Variants in MTREX observed in about 807,000 individuals in gnomAD.
MTREX encodes exosome RNA helicase MTR4.
A neutral mutation model predicts 135.4 loss-of-function variants in MTREX; 76 were observed. The observed-to-expected ratio is 0.56, with a 90% CI of 0.47 to 0.68. The LOEUF (loss-of-function observed/expected upper bound fraction) is 0.68, where lower values mean the gene tolerates loss of function less well. Among genes scored for constraint, MTREX ranks in the 30% least tolerant of loss-of-function variants. MTREX has a pLI of 0.00. For synonymous variants in MTREX, 404 were observed against 401.6 expected (o/e 1.01, Z -0.07); for missense variants, 920 against 1,262.1 (o/e 0.73, Z 4.11).
chr5:55,342,394 A>G (rs775326938), intron 7 of MTREX, among the ~76,000 whole-genome samples: 2 of 152,260 alleles, frequency 1.3e-5, no homozygotes, highest in African/African-American at 2.4e-5. Flanking sequence ...TAAAACTTCT[A>G]GCTTGCAAAG....
intron 3 of MTREX, among the ~76,000 whole-genome samples, chr5:55,326,260 C>T (rs974320818): frequency 1.3e-5 from 2 of 152,022 alleles, no homozygotes; most frequent in African/African-American, 4.8e-5. Flanking sequence ...ATTAACCAGG[C>T]ATGGTGGCAT....
At chr5:55,333,902 C>T (rs952517554) in intron 5 of MTREX, among the ~76,000 whole-genome samples, 7 of 152,064 alleles carry the variant, frequency 4.6e-5, no homozygotes, top group African/African-American at 7.2e-5. Flanking sequence ...TTCACAGCAG[C>T]GCTATTCACA....
chr5:55,361,150 C>T (rs1313987866), intron 15 of MTREX, among the ~76,000 whole-genome samples: 3 of 152,174 alleles, frequency 2.0e-5, no homozygotes, highest in African/African-American at 7.2e-5. Flanking sequence ...AAAAAATAGT[C>T]ATGTCAGGTA....
chr5:55,404,119 G>A (rs547305137), intron 21 of MTREX, among the ~76,000 whole-genome samples: 1 of 152,310 alleles, frequency 6.6e-6, no homozygotes, highest in Admixed American at 6.5e-5. Context: ...ATAAATATCA[G>A]TTGCTGATCA....
At chr5:55,316,641 A>C (rs1749202847) in intron 1 of MTREX, among the ~76,000 whole-genome samples, 1 of 152,198 alleles carries the variant, frequency 6.6e-6, no homozygotes, top group South Asian at 2.1e-4. Context: ...ACCTCAATAT[A>C]ATAGAGCCAT....
At chr5:55,400,100 G>A (rs1424169584) in intron 20 of MTREX, 133 bp from the exon 21 acceptor site, 1 of 573,382 alleles carries the variant, frequency 1.7e-6, no homozygotes, top group African/African-American at 1.9e-5. Context: ...AATTTAAATT[G>A]GCAAAAGACA....
At chr5:55,407,373 A>G (rs1044626136) in intron 22 of MTREX, among the ~76,000 whole-genome samples, 2 of 152,202 alleles carry the variant, frequency 1.3e-5, no homozygotes, top group South Asian at 2.1e-4. Context: ...GTACTGGTCT[A>G]CTGATTTATA....
intron 19 of MTREX, among the ~76,000 whole-genome samples, chr5:55,393,891 T>TA (rs1750606515): frequency 6.6e-6 from 1 of 152,370 alleles, no homozygotes; most frequent in Non-Finnish European, 1.5e-5. Context: ...TTCTTGTTTA[T>TA]AAAATGTCAT....
intron 15 of MTREX, among the ~76,000 whole-genome samples, chr5:55,360,419 T>TA (rs1326694785): frequency 6.6e-6 from 1 of 151,976 alleles, no homozygotes; most frequent in Non-Finnish European, 1.5e-5. Flanking sequence ...TTTTTTTTTT[T>TA]ACAAGTCTTT....
rs1338652075 is a variant in MTREX, at chr5:55,325,344, T to TG, written c.339+1146_339+1147insG. Among the ~76,000 whole-genome samples, 22 of 150,454 alleles carry TG rather than the reference T, an allele frequency of 1.5e-4. No homozygotes were observed. In the East Asian group the frequency reaches 3.1e-3, roughly 21 times the overall value. On this transcript the variant is annotated intron_variant, in intron 3 of 26. Coordinates refer to ENST00000230640, the MANE Select transcript of MTREX (RefSeq NM_015360.5). ...TTTTGGGGGGGTTTTTTTTTGTTTT[T>TG]TTTTTTTTTAAGAGTCTCACTATGT...
At chr5:55,373,055 T>A (rs7701565) in intron 16 of MTREX, among the ~76,000 whole-genome samples, 19,503 of 151,560 alleles carry the variant, frequency 0.13, 1,491 homozygotes, top group East Asian at 0.26. Flanking sequence ...AGATTTTTTT[T>A]AACCTAGTTT....
At chr5:55,421,273 C>T (rs1354291674) in intron 25 of MTREX, among the ~76,000 whole-genome samples, 1 of 152,192 alleles carries the variant, frequency 6.6e-6, no homozygotes, top group African/African-American at 2.4e-5. Flanking sequence ...ACTACTTAAT[C>T]GTCAGTCTTC....
rs74814341 is a variant in MTREX at position 55,311,696 on chromosome 5, T to G, written c.134+3549T>G. Among the ~76,000 whole-genome samples, 930 of 152,320 alleles carry G rather than the reference T, an allele frequency of 6.1e-3. 8 individuals carry two copies. Among genetic ancestry groups the G allele is most frequent in the African/African-American group, 0.022 (897 of 41,572 alleles). On this transcript the variant is annotated intron_variant, in intron 1 of 26. Coordinates refer to ENST00000230640, the MANE Select transcript of MTREX (RefSeq NM_015360.5). ...AAAATATGACTTGTCAGAATTGAGA[T>G]GTTCGGTGAGTGTAAAATTCACACC...
intron 24 of MTREX, 43 bp downstream of exon 24, chr5:55,414,281 ATAG>A: frequency 7.2e-7 from 1 of 1,386,366 alleles, no homozygotes; most frequent in South Asian, 1.4e-5. Context: ...TATTTTATGA[ATAG>A]TAGATTGTAA....
At position 55,328,751 on chromosome 5, in the gene MTREX, A is replaced by T. The variant is rs763547460; in HGVS notation, c.455A>T (p.Asp152Val). ...CAAAGAGAGGCCATTCAGTGTGTTG[A>T]CAATAATCAGTCTGTTCTAGTATCT... ...AFQREAIQCV[D>V]NNQSVLVSAH... Residue 152 changes from aspartate to valine, a missense_variant, in exon 5 of 27, where the codon GAC becomes GTC. Asp to Val is a radical substitution (Grantham distance 152). Coordinates refer to ENST00000230640, the MANE Select transcript of MTREX (RefSeq NM_015360.5). The T allele has an allele frequency of 6.2e-7, 1 of 1,613,580 alleles. No individual in the cohort carries two copies. The highest frequency in any genetic ancestry group is 8.5e-7 in the Non-Finnish European group (1 of 1,179,728).
chr5:55,423,289 T>C (rs1579908424), intron 26 of MTREX: 1 of 285,318 alleles, frequency 3.5e-6, no homozygotes, highest in South Asian at 9.8e-5. Context: ...TGTGGGGAGA[T>C]AGACAATAAG....
chr5:55,324,136 G>A lies in MTREX; in HGVS notation c.277G>A (p.Ala93Thr), dbSNP rs762676968. 7.5e-6 allele frequency: 12 copies of A among 1,609,520 alleles called. No individual in the cohort carries two copies. The Admixed American group carries it at 8.4e-5, about 11-fold the overall frequency. ...CTTTAAACAATTCTTTTTAAGTTTG[G>A]CAGACCTGATGCCCAGAGTCAAGGT... The part of the protein sequence containing the change: ...EESITEDLSL[A>T]DLMPRVKVQS... The change falls in exon 3 of 27, where the codon GCA (alanine) becomes ACA (threonine). Residue 93 changes from alanine to threonine, a missense_variant. Ala to Thr is a moderately conservative substitution (Grantham distance 58, BLOSUM62 0). Coordinates refer to ENST00000230640, the MANE Select transcript of MTREX (RefSeq NM_015360.5).
At chr5:55,369,896 C>G (rs1039392327) in intron 16 of MTREX, among the ~76,000 whole-genome samples, 10 of 150,266 alleles carry the variant, frequency 6.7e-5, no homozygotes, top group Admixed American at 1.3e-4. Flanking sequence ...CTAATTCATC[C>G]CTTTTTCTTT....
At chr5:55,342,321 A>G (rs1171541267) in intron 7 of MTREX, among the ~76,000 whole-genome samples, 1 of 152,244 alleles carries the variant, frequency 6.6e-6, no homozygotes, top group Admixed American at 6.5e-5. Context: ...AAATAAAGCA[A>G]AAGAAATTAA....
Sources: gnomAD v4.1 joint callset for allele counts (sites outside exome capture counted in the v4.1 genomes callset) on GRCh38, gnomAD v4.1.1 for gene constraint, MANE v1.5 for transcripts, NCBI Gene and HGNC (gene_info 2026-07-23, HGNC 2026-07-21) for gene names.